Variants in TMEM165 observed in about 807,000 individuals in gnomAD.
The protein encoded by TMEM165 is transmembrane protein 165.
TMEM165 carries 19 observed loss-of-function variants against 30.0 expected under a neutral mutation model. The ratio of observed to expected loss-of-function variants is 0.63; its 90% confidence interval spans 0.44 to 0.93. The LOEUF (loss-of-function observed/expected upper bound fraction) is 0.93, where lower values mean the gene tolerates loss of function less well. Among genes scored for constraint, TMEM165 ranks in the 40% least tolerant of loss-of-function variants. The probability of loss-of-function intolerance (pLI) is 0.00; values close to 1 mark genes in which losing one functional copy is unlikely to be tolerated. For missense variants in TMEM165, 340 were observed against 417.0 expected, an observed-to-expected ratio of 0.82 and a Z score of 1.61; for synonymous variants, 168 against 162.9, an observed-to-expected ratio of 1.03 and a Z score of -0.24.
At position 55,396,031 on chromosome 4, in the gene TMEM165, A is replaced by T. The variant is rs1720704410; in HGVS notation, c.-159A>T. On this transcript the variant is annotated 5_prime_UTR_variant, in exon 1 of 6. Transcript: ENST00000381334. ...CGGACTTCGGCCTGCCCCTCACCTC[A>T]CTCCCGCTGCTTGCACCTCCCGGAT... 1 of 496,050 alleles carries T rather than the reference A, an allele frequency of 2.0e-6. No individual in the cohort carries two copies. Among genetic ancestry groups the T allele is most frequent in the Non-Finnish European group, 3.2e-6 (1 of 315,130 alleles). 30.7% of individuals were successfully genotyped at this position (496,050 alleles called of 1,614,324 possible).
chr4:55,413,796 G>A lies in TMEM165; in HGVS notation c.433+1957G>A, dbSNP rs988477002. Among the ~76,000 whole-genome samples the A allele has an allele frequency of 3.0e-4, 45 of 152,170 alleles. 1 individual carries two copies. The highest frequency in any genetic ancestry group is 7.3e-5 in the Non-Finnish European group (5 of 68,044). ...CTTATCTAAATAAAATTGTAAATGT[G>A]TATATATACACGTTGTTTACATACC... On this transcript the variant is annotated intron_variant, in intron 2 of 5. Transcript: ENST00000381334.
intron 1 of TMEM165, among the ~76,000 whole-genome samples, chr4:55,411,261 C>A (rs984825804): frequency 1.3e-5 from 2 of 152,060 alleles, no homozygotes; most frequent in Admixed American, 1.3e-4. Flanking sequence ...AATCTAAAAT[C>A]CACAGTGCTC....
intron 5 of TMEM165, 72 bp from the exon 6 acceptor site, chr4:55,425,304 T>A: frequency 7.9e-7 from 1 of 1,269,810 alleles, no homozygotes; most frequent in Non-Finnish European, 1.1e-6. Context: ...CCTCATCGGC[T>A]CCCTTTTCAT....
downstream of TMEM165, among the ~76,000 whole-genome samples, chr4:55,426,827 G>A (rs115252373): frequency 0.01 from 1,550 of 152,000 alleles, 17 homozygotes; most frequent in Middle Eastern, 0.048. Context: ...TACTACTGTG[G>A]AGATCTTAAG....
intron 3 of TMEM165, chr4:55,438,414 T>C (rs1200514370): frequency 8.7e-6 from 14 of 1,613,776 alleles, no homozygotes; most frequent in Non-Finnish European, 1.1e-5. Flanking sequence ...GTTGCTGTTG[T>C]GTAGCAAAAG....
chr4:55,426,323 C>T (rs1016874570), downstream of TMEM165, among the ~76,000 whole-genome samples: 4 of 152,086 alleles, frequency 2.6e-5, no homozygotes, highest in Admixed American at 6.5e-5. Context: ...CATTGTCACC[C>T]TTACAGTTCT....
In TMEM165 at chr4:55,411,642, A is replaced by C; in HGVS notation, c.236A>C (p.His79Pro). The C allele has an allele frequency of 6.2e-7, 1 of 1,614,118 alleles. No homozygotes were observed. Among genetic ancestry groups the C allele is most frequent in the Non-Finnish European group, 8.5e-7 (1 of 1,180,002 alleles). Residue 79 changes from histidine to proline, a missense_variant, in exon 2 of 6, where the codon CAT becomes CCT. Transcript: ENST00000381334. ...EKIFTPAAPV[H>P]TNKEDPATQT... is the part of the protein sequence containing the mutation. ...ATATTTACACCAGCAGCTCCAGTTC[A>C]TACCAATAAAGAAGATCCTGCTACC...
intron 3 of TMEM165, among the ~76,000 whole-genome samples, chr4:55,451,104 C>T (rs1039962627): frequency 5.9e-5 from 9 of 151,942 alleles, no homozygotes; most frequent in African/African-American, 2.2e-4. Context: ...CCCCATTTCT[C>T]TTCTCTTTGT....
At position 55,396,130 on chromosome 4, in the gene TMEM165, G is replaced by A. The variant is rs1444154391; in HGVS notation, c.-60G>A. ...GCCGCGGAGGCTGTTCGGGGTCGAG[G>A]CTTCCCGTCGCCGGCACTTCCTCTT... On this transcript the variant is annotated 5_prime_UTR_variant, in exon 1 of 6. Coordinates refer to ENST00000381334, the MANE Select transcript of TMEM165 (RefSeq NM_018475.5). 2.3e-6 allele frequency: 3 copies of A among 1,298,392 alleles called. No homozygotes were observed. Among genetic ancestry groups the A allele is most frequent in the Non-Finnish European group, 1.9e-6 (2 of 1,027,006 alleles). The allele number at this position is 1,298,392 out of a possible 1,614,324, so 80.4% of individuals were successfully genotyped here. A position where few individuals can be genotyped will look rare whatever the true frequency, so the allele number is the denominator to read the frequency against.
chr4:55,419,402 A>T (rs1721873246), intron 4 of TMEM165, among the ~76,000 whole-genome samples: 1 of 152,100 alleles, frequency 6.6e-6, no homozygotes, highest in Admixed American at 6.5e-5. Flanking sequence ...TGTAGCTTTT[A>T]CTCTTCAGAT....
intron 3 of TMEM165, chr4:55,433,692 G>A (rs1722669888): frequency 6.6e-6 from 1 of 151,746 alleles, no homozygotes; most frequent in African/African-American, 2.4e-5. Flanking sequence ...ATCCTCTTTT[G>A]TTCTATCACT....
intron 3 of TMEM165, among the ~76,000 whole-genome samples, chr4:55,441,743 G>A (rs1723387111): frequency 6.6e-6 from 1 of 152,080 alleles, no homozygotes. Context: ...GGGGGTGAGG[G>A]ATAAAAAACT....
At chr4:55,440,752 T>C (rs1381991133) in intron 3 of TMEM165, among the ~76,000 whole-genome samples, 1 of 152,154 alleles carries the variant, frequency 6.6e-6, no homozygotes, top group Non-Finnish European at 1.5e-5. Flanking sequence ...GATAAGAATA[T>C]TTTCTTTAAT....
At chr4:55,400,304 ATATAATATTAATACTGTATT>A (rs1720928521) in intron 1 of TMEM165, among the ~76,000 whole-genome samples, 1 of 104,296 alleles carries the variant, frequency 9.6e-6, no homozygotes, top group Non-Finnish European at 1.8e-5. Context: ...ATAATATTAT[ATATAATATTAATACTGTATT>A]ATATATAATA....
chr4:55,419,180 TG>T (rs540917257), intron 4 of TMEM165, among the ~76,000 whole-genome samples: 7 of 152,230 alleles, frequency 4.6e-5, no homozygotes, highest in Admixed American at 3.9e-4. Flanking sequence ...TTGGTAGGGG[TG>T]GGGTCTCACC....
At chr4:55,419,941 C>T (rs1721892860) in intron 4 of TMEM165, among the ~76,000 whole-genome samples, 1 of 150,660 alleles carries the variant, frequency 6.6e-6, no homozygotes, top group Admixed American at 6.6e-5. Flanking sequence ...AAAAATATCA[C>T]TTTAATTAGC....
downstream of TMEM165, among the ~76,000 whole-genome samples, chr4:55,427,680 G>C (rs572111955): frequency 1.3e-5 from 2 of 152,122 alleles, no homozygotes; most frequent in African/African-American, 4.8e-5. Context: ...ACAATTCCTC[G>C]TAGGGAGTAG....
At chr4:55,450,398 C>T (rs911312721) in intron 3 of TMEM165, among the ~76,000 whole-genome samples, 1 of 152,104 alleles carries the variant, frequency 6.6e-6, no homozygotes. Context: ...GTGTTATAGC[C>T]AGAAAGTTTT....
chr4:55,435,688 A>G, intron 3 of TMEM165: 1 of 1,306,244 alleles, frequency 7.7e-7, no homozygotes, highest in Non-Finnish European at 1.1e-6. Flanking sequence ...TAGGGACAAA[A>G]TCCTTAAAAT....
Sources: allele counts gnomAD v4.1 joint callset (sites outside exome capture counted in the v4.1 genomes callset), GRCh38; gene constraint gnomAD v4.1.1; transcripts MANE v1.5; gene names NCBI Gene and HGNC (gene_info 2026-07-23, HGNC 2026-07-21).